UGT2B7: variants seen among roughly 807,000 people sequenced by gnomAD.
The protein encoded by UGT2B7 is UDP-glucuronosyltransferase 2B7.
UGT2B7 carries 51 observed loss-of-function variants against 51.9 expected under a neutral mutation model. The observed-to-expected ratio is 0.98, with a 90% CI of 0.78 to 1.24. UGT2B7 has a LOEUF of 1.24. Among genes scored for constraint, UGT2B7 ranks in the 50% most tolerant of loss-of-function variants. The pLI is 0.00. For synonymous variants in UGT2B7, 225 were observed against 211.6 expected (o/e 1.06, Z -0.55); for missense variants, 727 against 628.4 (o/e 1.16, Z -1.68).
At chr4:69,064,842 C>T (rs1718453673) in intron 1 of UGT2B7, among the ~76,000 whole-genome samples, 1 of 152,144 alleles carries the variant, frequency 6.6e-6, no homozygotes, top group African/African-American at 2.4e-5. Context: ...GATGATAAAA[C>T]AGCACAAAGA....
chr4:69,074,726 G>T (rs984527065), intron 1 of UGT2B7, among the ~76,000 whole-genome samples: 24 of 151,870 alleles, frequency 1.6e-4, no homozygotes, highest in African/African-American at 5.6e-4. Flanking sequence ...GTAAATTTTT[G>T]TTCCTTGCTT....
rs1719712328 is a variant in UGT2B7, at chr4:69,109,476, A to G, written c.1310+1154A>G. On this transcript the variant is annotated intron_variant, in intron 5 of 5. Coordinates refer to ENST00000305231, the MANE Select transcript of UGT2B7 (RefSeq NM_001074.4). ...CATCCTGGTCTTGGATTGCATTTTC[A>G]TTACGGCTAAAGGTGTTGAGAATCT... Among the ~76,000 whole-genome samples the G allele has an allele frequency of 2.6e-5, 4 of 152,180 alleles. No homozygotes were observed. In the South Asian group the frequency reaches 6.2e-4, roughly 24 times the overall value.
At chr4:69,072,986 A>G (rs1257974100) in intron 1 of UGT2B7, among the ~76,000 whole-genome samples, 1 of 152,176 alleles carries the variant, frequency 6.6e-6, no homozygotes, top group South Asian at 2.1e-4. Context: ...GGGGGAATGT[A>G]GAGGTTCTGA....
upstream of UGT2B7, among the ~76,000 whole-genome samples, chr4:69,095,256 G>A (rs1482636015): frequency 6.6e-6 from 1 of 152,208 alleles, no homozygotes; most frequent in East Asian, 1.9e-4. Flanking sequence ...TGGGTTGGAG[G>A]TTTTAAGGAG....
upstream of UGT2B7, among the ~76,000 whole-genome samples, chr4:69,092,947 A>G (rs1420194909): frequency 2.2e-5 from 3 of 134,570 alleles, no homozygotes; most frequent in Non-Finnish European, 4.6e-5. Flanking sequence ...TGCCAAAAAC[A>G]ATACCCCCAC....
intron 1 of UGT2B7, among the ~76,000 whole-genome samples, chr4:69,055,098 TAAAAAAAAAAAAA>T (rs1178892377): frequency 8.9e-5 from 2 of 22,548 alleles, no homozygotes; most frequent in Non-Finnish European, 1.5e-4. Context: ...AAGTAATAGC[TAAAAAAAAAAAAA>T]AAAAAAAAAA....
intron 1 of UGT2B7, among the ~76,000 whole-genome samples, chr4:69,078,004 G>T (rs567190396): frequency 1.3e-5 from 2 of 151,946 alleles, no homozygotes; most frequent in East Asian, 1.9e-4. Flanking sequence ...GTTGAATTTT[G>T]TCAATGGCCC....
chr4:69,090,452 CTTCT>C (rs900725565), intron 2 of UGT2B7, among the ~76,000 whole-genome samples: 5 of 142,134 alleles, frequency 3.5e-5, no homozygotes, highest in East Asian at 2.1e-4. Context: ...TTCTAAGTAA[CTTCT>C]TTTTCTTTTT....
Position 69,097,148 on chromosome 4 carries a change from AG to A in UGT2B7, c.631del (p.Val211Ter). 1 of 1,613,450 alleles carries A rather than the reference AG, an allele frequency of 6.2e-7. No homozygotes were observed. Among genetic ancestry groups the A allele is most frequent in the Non-Finnish European group, 8.5e-7 (1 of 1,179,634 alleles). ...AACTGATCAAATGACTTTCATGGAG[AG>A]GGTAAAAAATATGATCTATGTGCTT... ...ELTDQMTFME[R>X]VKNMIYVLYF... On this transcript the variant is annotated frameshift_variant, in exon 1 of 6. Coordinates refer to ENST00000305231, the MANE Select transcript of UGT2B7 (RefSeq NM_001074.4). LOFTEE classifies it high-confidence loss of function.
rs533301361 is a variant in UGT2B7, at chr4:69,111,192, T to C, written c.1311-1265T>C. On this transcript the variant is annotated intron_variant, in intron 5 of 5. Coordinates refer to ENST00000305231, the MANE Select transcript of UGT2B7 (RefSeq NM_001074.4). ...AATAGAAGGCCAATCTAGAAGACAG[T>C]GTGCAGGGGAAAAGTGTTAGGAAAA... Among the ~76,000 whole-genome samples, 8 of 152,194 alleles carry C rather than the reference T, an allele frequency of 5.3e-5. 1 individual carries two copies. The South Asian group carries it at 1.2e-3, about 24-fold the overall frequency.
At position 69,112,628 on chromosome 4, in the gene UGT2B7, T is replaced by G. The variant is rs768496863; in HGVS notation, c.1482T>G (p.Ile494Met). Residue 494 changes from isoleucine (I) to methionine (M), a missense_variant, in exon 6 of 6, where the codon ATT becomes ATG. Transcript: ENST00000305231. ...TWFQYHSLDV[I>M]GFLLVCVATV... ...TCCAGTACCACTCTTTGGATGTGAT[T>G]GGGTTCCTGCTGGTCTGTGTGGCAA... 1.9e-6 allele frequency: 3 copies of G among 1,613,978 alleles called. No individual in the cohort carries two copies. Among genetic ancestry groups the G allele is most frequent in the East Asian group, 2.2e-5 (1 of 44,866 alleles).
chr4:69,078,914 T>G (rs1349450232), intron 1 of UGT2B7, among the ~76,000 whole-genome samples: 2 of 152,136 alleles, frequency 1.3e-5, no homozygotes. Context: ...CCTGCCATAC[T>G]TGGGTTTCCT....
At chr4:69,052,899 A>C (rs1166449752) in intron 1 of UGT2B7, among the ~76,000 whole-genome samples, 1 of 152,196 alleles carries the variant, frequency 6.6e-6, no homozygotes, top group African/African-American at 2.4e-5. Context: ...TTTTACCTAC[A>C]TTAAAAGGTT....
intron 5 of UGT2B7, among the ~76,000 whole-genome samples, chr4:69,109,105 T>C (rs1158886646): frequency 5.3e-5 from 8 of 152,172 alleles, no homozygotes; most frequent in Non-Finnish European, 1.2e-4. Context: ...TTTCTTTTTA[T>C]AGCAGTTTAA....
chr4:69,068,274 G>A (rs7439098), intron 1 of UGT2B7, among the ~76,000 whole-genome samples: 93,084 of 151,652 alleles, frequency 0.61, 30,091 homozygotes, highest in African/African-American at 0.81. Context: ...TTTGTAAACA[G>A]CTAGAGCTTT....
At chr4:69,111,302 C>A (rs1238910995) in intron 5 of UGT2B7, among the ~76,000 whole-genome samples, 1 of 151,996 alleles carries the variant, frequency 6.6e-6, no homozygotes, top group Non-Finnish European at 1.5e-5. Flanking sequence ...AGAAGCCAGG[C>A]AAAAGTCTTA....
intron 1 of UGT2B7, among the ~76,000 whole-genome samples, chr4:69,074,421 AT>A (rs1268537101): frequency 1.1e-5 from 1 of 92,190 alleles, no homozygotes; most frequent in African/African-American, 6.9e-5. Context: ...ATAACACCTT[AT>A]CTTAAATATA....
Position 69,070,854 on chromosome 4 carries a change from G to A in UGT2B7, c.-158-18618G>A, listed in dbSNP as rs115305229. ...ACTAAACTTGGCCAACTCTCTTAGC[G>A]TGGCGTTTAGGCAAGTTCTTCATGT... On this transcript the variant is annotated intron_variant, in intron 1 of 5. Coordinates refer to the UGT2B7 transcript ENST00000502942. 9.9e-3 allele frequency among the ~76,000 whole-genome samples: 1,506 copies of A among 152,116 alleles called. 27 individuals are homozygous for A. The highest frequency in any genetic ancestry group is 0.034 in the African/African-American group (1,403 of 41,514).
chr4:69,067,115 C>T (rs753517460), intron 1 of UGT2B7, among the ~76,000 whole-genome samples: 4 of 152,138 alleles, frequency 2.6e-5, no homozygotes, highest in Non-Finnish European at 5.9e-5. Flanking sequence ...GGGTGACACA[C>T]AACTATCTTT....
Sources: allele counts gnomAD v4.1 joint callset (sites outside exome capture counted in the v4.1 genomes callset), GRCh38; gene constraint gnomAD v4.1.1; transcripts MANE v1.5; gene names NCBI Gene and HGNC (gene_info 2026-07-23, HGNC 2026-07-21).